The following CACNB4 variants were observed in gnomAD, a reference collection of about 807,000 sequenced individuals.
CACNB4 encodes voltage-dependent L-type calcium channel subunit beta-4.
Under a neutral mutation model 71.2 loss-of-function variants are expected in CACNB4, and 32 were observed. The ratio of observed to expected loss-of-function variants is 0.45; its 90% CI spans 0.34 to 0.60. The LOEUF (loss-of-function observed/expected upper bound fraction) is 0.60. Ranked by LOEUF, CACNB4 falls within the 20% of genes least tolerant of loss-of-function variation. CACNB4 has a pLI of 0.01. For missense variants in CACNB4, 464 were observed against 647.9 expected (o/e 0.72, Z 3.08); for synonymous variants, 231 against 236.9 (o/e 0.97, Z 0.23).
intron 2 of CACNB4, among the ~76,000 whole-genome samples, chr2:152,035,651 C>CTCTCTCTCTCTCTCTCTA (rs796161186): frequency 1.7e-5 from 2 of 118,040 alleles, no homozygotes; most frequent in African/African-American, 7.3e-5. Context: ...CTCTCTCTCT[C>CTCTCTCTCTCTCTCTCTA]TATATATATA....
intron 2 of CACNB4, among the ~76,000 whole-genome samples, chr2:151,964,987 C>A (rs1021739859): frequency 6.6e-6 from 1 of 152,076 alleles, no homozygotes; most frequent in Non-Finnish European, 1.5e-5. Flanking sequence ...TTCCTATATT[C>A]GAAGCGTTAA....
chr2:151,896,772 C>T (rs1197796360), intron 2 of CACNB4, among the ~76,000 whole-genome samples: 5 of 152,156 alleles, frequency 3.3e-5, no homozygotes, highest in Non-Finnish European at 5.9e-5. Flanking sequence ...ACCTTTGGAA[C>T]TAGGAAATAG....
At position 151,836,938 on chromosome 2, in the gene CACNB4, T is replaced by C. The variant is rs911722277; in HGVS notation, c.*2181A>G. 2.6e-5 allele frequency: 4 copies of C among 152,122 alleles called. No homozygotes were observed. Among genetic ancestry groups the C allele is most frequent in the African/African-American group, 7.2e-5 (3 of 41,578 alleles). The allele number at this position is 152,122 out of a possible 1,614,324, so 9.4% of individuals were successfully genotyped here. A position where few individuals can be genotyped will look rare whatever the true frequency, so the allele number is the denominator to read the frequency against. ...CCTTGGTGCACTCTTTGCAATTAAATACTTTAATGCGCATAAACAAGAAAC... is the reference window on the plus strand; with the variant it reads ...CCTTGGTGCACTCTTTGCAATTAAACACTTTAATGCGCATAAACAAGAAAC... On this transcript the variant is annotated 3_prime_UTR_variant, in exon 14 of 14. Transcript: ENST00000539935.
intron 2 of CACNB4, among the ~76,000 whole-genome samples, chr2:151,987,108 TA>T (rs1681414821): frequency 6.6e-6 from 1 of 152,042 alleles, no homozygotes. Context: ...ACATGAAAAG[TA>T]AGGGATGGAT....
At chr2:151,987,810 C>T (rs1289645489) in intron 2 of CACNB4, among the ~76,000 whole-genome samples, 1 of 152,184 alleles carries the variant, frequency 6.6e-6, no homozygotes, top group African/African-American at 2.4e-5. Context: ...CGATGCGACC[C>T]ACCAATTTAA....
intron 2 of CACNB4, among the ~76,000 whole-genome samples, chr2:152,002,118 C>T (rs1682459687): frequency 6.6e-6 from 1 of 152,170 alleles, no homozygotes; most frequent in Admixed American, 6.5e-5. Flanking sequence ...ACAGCAATGC[C>T]GCACCTCCAC....
chr2:151,909,683 G>T (rs1480214196), intron 2 of CACNB4, among the ~76,000 whole-genome samples: 1 of 151,924 alleles, frequency 6.6e-6, no homozygotes, highest in African/African-American at 2.4e-5. Context: ...TTTGGTTTTC[G>T]TTCTTGTGTT....
intron 2 of CACNB4, among the ~76,000 whole-genome samples, chr2:151,924,924 T>C (rs1288287402): frequency 6.6e-6 from 1 of 152,184 alleles, no homozygotes; most frequent in Non-Finnish European, 1.5e-5. Flanking sequence ...TCCCACGCAA[T>C]GCTTCCGGAT....
intron 2 of CACNB4, among the ~76,000 whole-genome samples, chr2:151,945,870 G>A (rs1233351997): frequency 1.5e-5 from 1 of 68,422 alleles, no homozygotes; most frequent in Non-Finnish European, 3.3e-5. Context: ...AGATGACCCT[G>A]TCTTTAAAAA....
chr2:151,929,686 T>C (rs2099861148), intron 2 of CACNB4, among the ~76,000 whole-genome samples: 1 of 152,204 alleles, frequency 6.6e-6, no homozygotes, highest in East Asian at 1.9e-4. Context: ...ACTGCATAAA[T>C]TGATTACTAC....
chr2:152,010,929 G>A (rs533525972), intron 2 of CACNB4, among the ~76,000 whole-genome samples: 2 of 152,300 alleles, frequency 1.3e-5, no homozygotes, highest in Admixed American at 6.5e-5. Context: ...GGGAGAAAAC[G>A]TGGCCCAGAG....
chr2:152,049,567 CT>C (rs1685312777), intron 2 of CACNB4, among the ~76,000 whole-genome samples: 3 of 151,998 alleles, frequency 2.0e-5, no homozygotes, highest in Non-Finnish European at 4.4e-5. Context: ...CTCTTGCTCA[CT>C]CTCTCTCTTT....
chr2:152,079,511 C>A (rs1445718641), intron 2 of CACNB4, among the ~76,000 whole-genome samples: 1 of 152,246 alleles, frequency 6.6e-6, no homozygotes, highest in Non-Finnish European at 1.5e-5. Flanking sequence ...CTTGGCTGGG[C>A]ATGGTGGCAC....
Position 152,035,128 on chromosome 2 carries a change from A to C in CACNB4, c.147+63202T>G, listed in dbSNP as rs144742085. Among the ~76,000 whole-genome samples the C allele has an allele frequency of 1.8e-3, 269 of 152,336 alleles. 1 individual carries two copies. The highest frequency in any genetic ancestry group is 6.2e-3 in the African/African-American group (259 of 41,560). On this transcript the variant is annotated intron_variant, in intron 2 of 13. Coordinates refer to ENST00000539935, the MANE Select transcript of CACNB4 (RefSeq NM_000726.5). The stretch of plus-strand genomic sequence containing the variant: ...AAAGTGACGTTCAGTGAGAGACATA[A>C]TGTCTGACATCAACTCCACCATGTT...
intron 10 of CACNB4, chr2:151,859,021 C>T (rs2099840990): frequency 1.3e-5 from 2 of 152,162 alleles, no homozygotes; most frequent in Non-Finnish European, 2.9e-5. Context: ...AAGTCTAGCA[C>T]AATGCATGGC....
chr2:151,858,791 G>A (rs1244022845), intron 10 of CACNB4: 1 of 152,152 alleles, frequency 6.6e-6, no homozygotes, highest in Admixed American at 6.5e-5. Context: ...ACATATTTTT[G>A]TTTACATGTC....
intron 2 of CACNB4, chr2:151,973,772 C>G: frequency 6.3e-7 from 1 of 1,590,042 alleles, no homozygotes; most frequent in South Asian, 1.1e-5. Flanking sequence ...CTGCAGAAAC[C>G]ACAGCTACAG....
intron 2 of CACNB4, among the ~76,000 whole-genome samples, chr2:151,993,367 T>G (rs1681828306): frequency 6.6e-6 from 1 of 152,026 alleles, no homozygotes; most frequent in Admixed American, 6.5e-5. Flanking sequence ...ATGATATTCA[T>G]GGTAGCCAAT....
intron 2 of CACNB4, among the ~76,000 whole-genome samples, chr2:151,893,915 G>A (rs1362221974): frequency 2.0e-5 from 3 of 152,174 alleles, no homozygotes; most frequent in African/African-American, 7.2e-5. Flanking sequence ...TCATTAATAT[G>A]AGAAAGGAGT....
Sources: gnomAD v4.1 joint callset for allele counts (sites outside exome capture counted in the v4.1 genomes callset) on GRCh38, gnomAD v4.1.1 for gene constraint, MANE v1.5 for transcripts, NCBI Gene and HGNC (gene_info 2026-07-23, HGNC 2026-07-21) for gene names.